The following RNASEL variants were observed in gnomAD, a reference collection of about 807,000 sequenced individuals.
RNASEL encodes ribonuclease L.
Under a neutral mutation model 50.9 loss-of-function variants are expected in RNASEL, and 36 were observed. The ratio of observed to expected loss-of-function variants is 0.71; its 90% CI spans 0.54 to 0.93. RNASEL has a LOEUF of 0.93. Among genes scored for constraint, RNASEL ranks in the 40% least tolerant of loss-of-function variants. The pLI is 0.00. For missense variants in RNASEL, 860 were observed against 894.5 expected (o/e 0.96, Z 0.49); for synonymous variants, 335 against 335.6 (o/e 1.00, Z 0.02).
intron 5 of RNASEL, among the ~76,000 whole-genome samples, chr1:182,577,343 T>G (rs1434382789): frequency 6.6e-6 from 1 of 152,262 alleles, no homozygotes; most frequent in Middle Eastern, 3.4e-3. Flanking sequence ...ACTACTATAC[T>G]AGGAAAGTCG....
intron 3 of RNASEL, among the ~76,000 whole-genome samples, chr1:182,583,044 A>T (rs1488655559): frequency 6.6e-6 from 1 of 152,190 alleles, no homozygotes; most frequent in East Asian, 1.9e-4. Flanking sequence ...GTTTTCAGAG[A>T]ACCTTAGTAT....
intron 5 of RNASEL, chr1:182,579,569 A>G (rs1350719759): frequency 8.7e-7 from 1 of 1,143,412 alleles, no homozygotes; most frequent in Non-Finnish European, 1.1e-6. Flanking sequence ...ACAAGCTGGA[A>G]AACTTGGGCT....
chr1:182,575,423 C>T lies in RNASEL; in HGVS notation c.2195G>A (p.Gly732Glu). The change falls in exon 7 of 7, where the codon GGG (glycine) becomes GAG (glutamate). Residue 732 changes from glycine to glutamate, a missense_variant. Transcript: ENST00000367559. ...PNKPQCDGAG[G>E]ASGLASPGC ...CCCAGGGCTGGCCAACCCACTGGCC[C>T]CACCAGCTCCATCACACTGAGGCTT... 6.2e-7 allele frequency: 1 copy of T among 1,614,128 alleles called. No homozygotes were observed. The highest frequency in any genetic ancestry group is 8.5e-7 in the Non-Finnish European group (1 of 1,180,022).
In RNASEL at chr1:182,586,985, AG is replaced by A; in HGVS notation, c.-164-16del. ...TGACATTCCACCTGGCAACGAAGAG[AG>A]GTGCTTTGTAATTTTACAATAGGGA... On this transcript the variant is annotated splice_polypyrimidine_tract_variant and intron_variant, in intron 1 of 6. Coordinates refer to ENST00000367559, the MANE Select transcript of RNASEL (RefSeq NM_021133.4). 3 of 704,816 alleles carry A rather than the reference AG, an allele frequency of 4.3e-6. No individual in the cohort carries two copies. The highest frequency in any genetic ancestry group is 7.1e-6 in the Non-Finnish European group (3 of 423,142). 43.7% of individuals were successfully genotyped at this position (704,816 alleles called of 1,614,324 possible).
chr1:182,576,246 C>A lies in RNASEL; in HGVS notation c.2039+10G>T, dbSNP rs1661375650. 1 of 1,608,268 alleles carries A rather than the reference C, an allele frequency of 6.2e-7. No homozygotes were observed. The highest frequency in any genetic ancestry group is 1.3e-5 in the African/African-American group (1 of 74,772). Reference sequence around the variant, plus strand: ...CACATATAATTTGTAGGAATGAAAACAATACTTACTTTTTATGCTTTTCTT... The same window carrying A: ...CACATATAATTTGTAGGAATGAAAAAAATACTTACTTTTTATGCTTTTCTT... On this transcript the variant is annotated intron_variant, in intron 6 of 6. Transcript: ENST00000367559.
intron 5 of RNASEL, chr1:182,576,733 C>T (rs959274874): frequency 1.5e-4 from 30 of 202,168 alleles, no homozygotes; most frequent in African/African-American, 3.8e-4. Flanking sequence ...ATTAGCCAGG[C>T]GTGGTGGCGC....
chr1:182,582,403 G>C, intron 3 of RNASEL, 145 bp from the exon 4 acceptor site: 1 of 897,444 alleles, frequency 1.1e-6, no homozygotes, highest in Non-Finnish European at 1.8e-6. Context: ...AGGCACAGAT[G>C]TGTGCATACA....
intron 1 of RNASEL, among the ~76,000 whole-genome samples, chr1:182,587,877 T>C (rs1661631054): frequency 6.6e-6 from 1 of 152,012 alleles, no homozygotes; most frequent in Admixed American, 6.5e-5. Flanking sequence ...TTTGCAGTGG[T>C]GGAAAAGCAA....
At chr1:182,578,188 AAAC>A (rs2102364301) in intron 5 of RNASEL, 1 of 152,352 alleles carries the variant, frequency 6.6e-6, no homozygotes, top group East Asian at 1.9e-4. Context: ...CAGAGTGAAC[AAAC>A]AACCTGCAGC....
rs1374483633 is a variant in RNASEL, at chr1:182,577,930, A to G, written c.1906-1541T>C. Among the ~76,000 whole-genome samples the G allele has an allele frequency of 3.9e-5, 6 of 152,224 alleles. No homozygotes were observed. The South Asian group carries it at 1.2e-3, about 32-fold the overall frequency. ...GTGGTGCTGGGAAAATTAGACTGCC[A>G]TATGTAGAAGATTAAAACTAGACCT... On this transcript the variant is annotated intron_variant, in intron 5 of 6. Coordinates refer to ENST00000367559, the MANE Select transcript of RNASEL (RefSeq NM_021133.4).
In RNASEL at chr1:182,574,936, G is replaced by C; in HGVS notation, c.*456C>G. 1 of 256,060 alleles carries C rather than the reference G, an allele frequency of 3.9e-6. No homozygotes were observed. The highest frequency in any genetic ancestry group is 7.6e-6 in the Non-Finnish European group (1 of 131,916). The allele number at this position is 256,060 out of a possible 1,614,324, so 15.9% of individuals were successfully genotyped here. On this transcript the variant is annotated 3_prime_UTR_variant, in exon 7 of 7. Transcript: ENST00000367559. ...TAGTTAAGTTTTAAGGTGCCCAAAT[G>C]AGAGGTACCAATAACACCACATAAA...
intron 1 of RNASEL, among the ~76,000 whole-genome samples, 157 bp downstream of exon 1, chr1:182,589,010 C>T (rs118142156): frequency 2.0e-5 from 3 of 152,354 alleles, no homozygotes; most frequent in South Asian, 2.1e-4. Context: ...TCTGGAAGGG[C>T]ACTGGAGGAA....
intron 3 of RNASEL, among the ~76,000 whole-genome samples, 186 bp from the exon 4 acceptor site, chr1:182,582,444 C>G (rs562327133): frequency 5.9e-5 from 9 of 152,290 alleles, no homozygotes; most frequent in Non-Finnish European, 1.3e-4. Context: ...TCGCCCATAC[C>G]ACTTAGTTTT....
Position 182,574,666 on chromosome 1 carries a change from A to G in RNASEL, c.*726T>C. Reference sequence around the variant, plus strand: ...AAATGCCATAGCATGCTCCCCACAAAGCTGTGACACCAAAAACTTCTTCAG... The same window carrying G: ...AAATGCCATAGCATGCTCCCCACAAGGCTGTGACACCAAAAACTTCTTCAG... On this transcript the variant is annotated 3_prime_UTR_variant, in exon 7 of 7. Transcript: ENST00000367559. 3 of 232,964 alleles carry G rather than the reference A, an allele frequency of 1.3e-5. No homozygotes were observed. Among genetic ancestry groups the G allele is most frequent in the Non-Finnish European group, 2.5e-5 (3 of 118,036 alleles). 14.4% of individuals were successfully genotyped at this position (232,964 alleles called of 1,614,324 possible). A position where few individuals can be genotyped will look rare whatever the true frequency, so the allele number is the denominator to read the frequency against.
intron 2 of RNASEL, 115 bp downstream of exon 2, chr1:182,585,212 C>A: frequency 9.8e-7 from 1 of 1,020,190 alleles, no homozygotes. Context: ...TAATGATCCA[C>A]AAATTGAATC....
chr1:182,579,184 T>C lies in RNASEL; in HGVS notation c.1905+2041A>G, dbSNP rs552704871. ...CCCAACTTTACCACTACACAATATA[T>C]CCATGTAACAAAACTATACTAGTAC... On this transcript the variant is annotated intron_variant, in intron 5 of 6. Transcript: ENST00000367559. The C allele has an allele frequency of 2.2e-6, 2 of 928,376 alleles. 1 individual carries two copies. Among genetic ancestry groups the C allele is most frequent in the South Asian group, 1.0e-4 (2 of 20,084 alleles). 57.5% of individuals were successfully genotyped at this position (928,376 alleles called of 1,614,324 possible). A position where few individuals can be genotyped will look rare whatever the true frequency, so the allele number is the denominator to read the frequency against.
Position 182,574,683 on chromosome 1 carries a change from C to T in RNASEL, c.*709G>A. ...CCCCACAAAGCTGTGACACCAAAAA[C>T]TTCTTCAGACTCTGCCAAATGCTCT... is the stretch of plus-strand genomic sequence containing the variant. On this transcript the variant is annotated 3_prime_UTR_variant, in exon 7 of 7. Transcript: ENST00000367559. 4.3e-6 allele frequency: 1 copy of T among 232,898 alleles called. No homozygotes were observed. The highest frequency in any genetic ancestry group is 6.1e-5 in the East Asian group (1 of 16,516). 14.4% of individuals were successfully genotyped at this position (232,898 alleles called of 1,614,324 possible).
In RNASEL at chr1:182,574,236, A is replaced by T. The variant is rs1045792065; in HGVS notation, c.*1156T>A. The T allele has an allele frequency of 3.6e-5, 8 of 225,106 alleles. No individual in the cohort carries two copies. The highest frequency in any genetic ancestry group is 6.2e-5 in the Non-Finnish European group (7 of 113,138). The allele number at this position is 225,106 out of a possible 1,614,324, so 13.9% of individuals were successfully genotyped here. On this transcript the variant is annotated 3_prime_UTR_variant, in exon 7 of 7. Transcript: ENST00000367559. ...GCAGACTTTTTGCTTGGCAGTGAAG[A>T]TACAAAGTCAAGAAAAGACAGCCAT...
rs117790439 is a variant in RNASEL at position 182,581,225 on chromosome 1, C to T, written c.1905G>A (p.Lys635=). 487 of 1,614,082 alleles carry T rather than the reference C, an allele frequency of 3.0e-4. 2 individuals carry two copies. In the East Asian group the frequency reaches 9.9e-3, roughly 33 times the overall value. ...HSKSFDKWTT[K]INECVMKKMN... is the part of the protein sequence containing the mutation. ...CCTGCACTATAGGAATTGTTCATAC[C>T]TTAGTCGTCCACTTGTCAAAACTTT... The change falls in exon 5 of 7, where the codon AAG becomes AAA. Residue 635 remains lysine, a splice_region_variant and synonymous_variant. Transcript: ENST00000367559.
Sources: allele counts gnomAD v4.1 joint callset (sites outside exome capture counted in the v4.1 genomes callset), GRCh38; gene constraint gnomAD v4.1.1; transcripts MANE v1.5; gene names NCBI Gene and HGNC (gene_info 2026-07-23, HGNC 2026-07-21).